The following FHIT variants were observed in gnomAD, a reference collection of about 807,000 sequenced individuals.
The protein encoded by FHIT is bis(5'-adenosyl)-triphosphatase.
Under a neutral mutation model 17.9 loss-of-function variants are expected in FHIT, and 19 were observed. The ratio of observed to expected loss-of-function variants is 1.06; its 90% CI spans 0.74 to 1.56. The LOEUF (loss-of-function observed/expected upper bound fraction) is 1.56. Ranked by LOEUF, FHIT falls within the 40% of genes most tolerant of loss-of-function variation. FHIT has a pLI of 0.00. For missense variants in FHIT, 248 were observed against 189.2 expected (o/e 1.31, Z -1.82); for synonymous variants, 81 against 69.7 (o/e 1.16, Z -0.81).
intron 3 of FHIT, among the ~76,000 whole-genome samples, chr3:61,011,277 G>A (rs143310457): frequency 6.6e-6 from 1 of 152,200 alleles, no homozygotes; most frequent in Non-Finnish European, 1.5e-5. Flanking sequence ...AGAAACGTAG[G>A]TGCAAAAGAC....
At chr3:60,047,898 G>T (rs1434327252) in intron 5 of FHIT, among the ~76,000 whole-genome samples, 2 of 152,170 alleles carry the variant, frequency 1.3e-5, no homozygotes, top group African/African-American at 2.4e-5. Flanking sequence ...ATTTTAAAAT[G>T]TAGGTGTATC....
intron 5 of FHIT, among the ~76,000 whole-genome samples, chr3:60,057,470 A>G (rs1702126714): frequency 6.6e-6 from 1 of 152,198 alleles, no homozygotes; most frequent in Non-Finnish European, 1.5e-5. Flanking sequence ...TCAGCCATGA[A>G]AATGAAATTC....
intron 1 of FHIT, among the ~76,000 whole-genome samples, chr3:61,206,706 A>G (rs190657698): frequency 0.012 from 1,768 of 151,914 alleles, 18 homozygotes; most frequent in South Asian, 0.043. Context: ...TATCAGCTTA[A>G]GGAGATTTTG....
chr3:59,915,934 A>AG (rs1196527959), intron 8 of FHIT, among the ~76,000 whole-genome samples: 73 of 38,640 alleles, frequency 1.9e-3, no homozygotes, highest in Middle Eastern at 0.023. Flanking sequence ...CCTGTCTCTT[A>AG]GGGAAAAAAA....
chr3:61,177,781 A>T (rs750075358), intron 2 of FHIT, among the ~76,000 whole-genome samples: 2 of 152,212 alleles, frequency 1.3e-5, no homozygotes, highest in Non-Finnish European at 2.9e-5. Flanking sequence ...TAGAAAACAG[A>T]TCAGCAGCCC....
intron 5 of FHIT, among the ~76,000 whole-genome samples, chr3:60,458,423 C>T (rs2032247784): frequency 6.9e-6 from 1 of 144,942 alleles, no homozygotes; most frequent in East Asian, 2.0e-4. Context: ...ACACACCACA[C>T]ACAGGGGCTT....
intron 8 of FHIT, among the ~76,000 whole-genome samples, chr3:59,896,439 T>A (rs1289577501): frequency 6.6e-6 from 1 of 152,194 alleles, no homozygotes; most frequent in Non-Finnish European, 1.5e-5. Context: ...CTGCGATCAA[T>A]TCAACATAAG....
intron 5 of FHIT, among the ~76,000 whole-genome samples, chr3:60,271,257 G>T (rs1706854689): frequency 1.3e-5 from 2 of 151,738 alleles, no homozygotes; most frequent in South Asian, 4.2e-4. Flanking sequence ...ACAAAAATTA[G>T]CCAGGCATGG....
intron 5 of FHIT, among the ~76,000 whole-genome samples, chr3:60,074,110 G>A (rs1702901958): frequency 6.6e-6 from 1 of 152,018 alleles, no homozygotes; most frequent in Non-Finnish European, 1.5e-5. Context: ...GTCTTGGAGG[G>A]TGACAGACAC....
At chr3:59,793,683 T>A (rs1699663039) in intron 8 of FHIT, among the ~76,000 whole-genome samples, 1 of 152,202 alleles carries the variant, frequency 6.6e-6, no homozygotes, top group Non-Finnish European at 1.5e-5. Context: ...TTTGGTCAAG[T>A]GAGGGGACAG....
At chr3:61,163,978 A>G (rs1001152829) in intron 2 of FHIT, among the ~76,000 whole-genome samples, 16 of 152,228 alleles carry the variant, frequency 1.1e-4, no homozygotes, top group Non-Finnish European at 2.1e-4. Context: ...GCAACACAGT[A>G]GATCCATGGA....
chr3:60,469,281 A>G (rs2032958832), intron 5 of FHIT, among the ~76,000 whole-genome samples: 1 of 151,680 alleles, frequency 6.6e-6, no homozygotes, highest in Non-Finnish European at 1.5e-5. Flanking sequence ...AAGGCCAATA[A>G]CTCTTAGATT....
chr3:61,116,174 G>A (rs925911636), intron 2 of FHIT, among the ~76,000 whole-genome samples: 2 of 151,706 alleles, frequency 1.3e-5, no homozygotes, highest in Non-Finnish European at 2.9e-5. Flanking sequence ...AATGATCCTC[G>A]GGTCTTGGTG....
At chr3:60,454,029 A>G (rs1056443347) in intron 5 of FHIT, among the ~76,000 whole-genome samples, 6 of 152,176 alleles carry the variant, frequency 3.9e-5, no homozygotes, top group African/African-American at 1.4e-4. Flanking sequence ...TGACTATTTC[A>G]TCTTAAGAAA....
intron 5 of FHIT, among the ~76,000 whole-genome samples, chr3:60,017,908 C>A (rs1700405693): frequency 6.6e-6 from 1 of 152,218 alleles, no homozygotes; most frequent in Non-Finnish European, 1.5e-5. Context: ...CCATCCTACA[C>A]ATGCTGTTTT....
intron 1 of FHIT, among the ~76,000 whole-genome samples, chr3:61,243,516 T>C (rs1311831205): frequency 1.3e-5 from 2 of 152,210 alleles, no homozygotes; most frequent in Admixed American, 6.5e-5. Context: ...AACTTTATAA[T>C]AGGCAGCCTT....
intron 3 of FHIT, among the ~76,000 whole-genome samples, chr3:61,010,569 C>A (rs1203556310): frequency 6.6e-6 from 1 of 152,190 alleles, no homozygotes; most frequent in Non-Finnish European, 1.5e-5. Flanking sequence ...AAACAACCAA[C>A]AGGGATCAGG....
intron 5 of FHIT, among the ~76,000 whole-genome samples, chr3:60,089,469 T>G (rs952979739): frequency 3.9e-5 from 6 of 152,226 alleles, no homozygotes; most frequent in African/African-American, 9.6e-5. Flanking sequence ...ATGCATATAG[T>G]ATGATGGATG....
intron 3 of FHIT, among the ~76,000 whole-genome samples, chr3:61,003,131 T>C (rs1335852002): frequency 6.6e-6 from 1 of 152,228 alleles, no homozygotes; most frequent in East Asian, 1.9e-4. Flanking sequence ...CTTAGGTTTT[T>C]ATATAAATAA....
Sources: allele counts gnomAD v4.1 joint callset (sites outside exome capture counted in the v4.1 genomes callset), GRCh38; gene constraint gnomAD v4.1.1; transcripts MANE v1.5; gene names NCBI Gene and HGNC (gene_info 2026-07-23, HGNC 2026-07-21).